The following CASK variants were observed in gnomAD, a reference collection of about 807,000 sequenced individuals.
CASK encodes peripheral plasma membrane protein CASK.
Under a neutral mutation model 82.9 loss-of-function variants are expected in CASK, and 4 were observed. The observed-to-expected ratio is 0.05, with a 90% confidence interval of 0.02 to 0.11. The LOEUF is 0.11. Among genes scored for constraint, CASK ranks in the 10% least tolerant of loss-of-function variants. The pLI, the probability that CASK is intolerant of heterozygous loss-of-function variation, is 1.00. For missense variants in CASK, 358 were observed against 720.9 expected, an observed-to-expected ratio of 0.50 and a Z score of 5.76; for synonymous variants, 259 against 253.5, an observed-to-expected ratio of 1.02 and a Z score of -0.20.
chrX:41,699,267 GAATA>G (rs1302549343), intron 5 of CASK, among the ~76,000 whole-genome samples: 1 of 111,567 alleles, frequency 9.0e-6, no homozygotes, highest in Non-Finnish European at 1.9e-5. Context: ...ATAATTAACT[GAATA>G]AAGAATAAGT....
intron 21 of CASK, among the ~76,000 whole-genome samples, chrX:41,548,537 TG>T (rs746199986): frequency 8.1e-4 from 91 of 111,916 alleles, no homozygotes; most frequent in African/African-American, 2.8e-3. Flanking sequence ...TATTTTTGGT[TG>T]GGGGAAAGAC....
chrX:41,879,724 G>A (rs2148023541), intron 1 of CASK, among the ~76,000 whole-genome samples: 1 of 112,086 alleles, frequency 8.9e-6, no homozygotes, highest in South Asian at 3.6e-4. Context: ...CAGACCTCCT[G>A]AAACCCAAAC....
At chrX:41,690,798 C>T (rs1276538745) in intron 5 of CASK, among the ~76,000 whole-genome samples, 1 of 107,774 alleles carries the variant, frequency 9.3e-6, no homozygotes, top group Non-Finnish European at 1.9e-5. Flanking sequence ...CTTAGCCTCT[C>T]GAGTAGCTGG....
At chrX:41,739,261 ATT>A in intron 5 of CASK, 121 bp downstream of exon 5, 1 of 509,258 alleles carries the variant, frequency 2.0e-6, no homozygotes, top group Non-Finnish European at 3.4e-6. Context: ...AGTTAAATAC[ATT>A]TTTACTTAGA....
At chrX:41,761,446 T>C (rs555330057) in intron 3 of CASK, among the ~76,000 whole-genome samples, 8 of 111,934 alleles carry the variant, frequency 7.1e-5, no homozygotes, top group African/African-American at 2.3e-4. Context: ...AAAATAATCA[T>C]ATGGTTAATT....
At chrX:41,686,008 G>C (rs1409379238) in intron 5 of CASK, among the ~76,000 whole-genome samples, 1 of 112,018 alleles carries the variant, frequency 8.9e-6, no homozygotes, top group African/African-American at 3.2e-5. Flanking sequence ...TCAAACCTTA[G>C]CATCAGAATC....
intron 2 of CASK, among the ~76,000 whole-genome samples, chrX:41,836,578 TTAA>T (rs1339374570): frequency 9.0e-6 from 1 of 111,677 alleles, no homozygotes; most frequent in Non-Finnish European, 1.9e-5. Flanking sequence ...ACATAATTCA[TTAA>T]TGTTTCAAAG....
At chrX:41,555,497 G>A in intron 20 of CASK, 103 bp downstream of exon 20, 4 of 626,642 alleles carry the variant, frequency 6.4e-6, no homozygotes, top group Non-Finnish European at 1.1e-5. Context: ...ATGCTCAAAT[G>A]TTATGGTCCA....
At chrX:41,649,410 C>T (rs1270221221) in intron 8 of CASK, among the ~76,000 whole-genome samples, 2 of 112,032 alleles carry the variant, frequency 1.8e-5, no homozygotes, top group Non-Finnish European at 3.8e-5. Flanking sequence ...AAATTTCCCA[C>T]TACACCCTGC....
intron 5 of CASK, among the ~76,000 whole-genome samples, chrX:41,681,899 T>C (rs5963267): frequency 0.021 from 2,277 of 107,686 alleles, 70 homozygotes; most frequent in African/African-American, 0.073. Context: ...TGAGCCGAGA[T>C]TGCACCACTG....
intron 12 of CASK, among the ~76,000 whole-genome samples, chrX:41,596,228 A>G (rs2065820083): frequency 9.1e-6 from 1 of 110,272 alleles, no homozygotes; most frequent in South Asian, 3.9e-4. Context: ...CAGGATCCTA[A>G]TCCTATCCTG....
chrX:41,736,939 G>A (rs2068509200), intron 5 of CASK, among the ~76,000 whole-genome samples: 1 of 111,824 alleles, frequency 8.9e-6, no homozygotes, highest in Non-Finnish European at 1.9e-5. Flanking sequence ...TTCTAAAGGT[G>A]GCCACGAACA....
At chrX:41,849,222 T>G (rs1296199669) in intron 2 of CASK, among the ~76,000 whole-genome samples, 1 of 112,053 alleles carries the variant, frequency 8.9e-6, no homozygotes, top group Non-Finnish European at 1.9e-5. Context: ...TATCAAGAAC[T>G]CAGAACTTTG....
At chrX:41,668,828 C>T (rs2067153495) in intron 6 of CASK, among the ~76,000 whole-genome samples, 1 of 109,963 alleles carries the variant, frequency 9.1e-6, no homozygotes, top group African/African-American at 3.3e-5. Context: ...GCAGCCTCTG[C>T]CTCCCGGGTT....
chrX:41,534,631 A>G, intron 24 of CASK, 75 bp downstream of exon 24: 1 of 844,286 alleles, frequency 1.2e-6, no homozygotes, highest in African/African-American at 2.0e-5. Flanking sequence ...ATGTAATCAG[A>G]AAAAAATACA....
At chrX:41,879,852 G>C (rs2071913500) in intron 1 of CASK, among the ~76,000 whole-genome samples, 1 of 111,775 alleles carries the variant, frequency 8.9e-6, no homozygotes, top group Admixed American at 9.5e-5. Context: ...CACATTTTTT[G>C]AACAGGTAAA....
intron 14 of CASK, among the ~76,000 whole-genome samples, chrX:41,579,568 G>C (rs747577595): frequency 6.6e-4 from 74 of 111,498 alleles, no homozygotes; most frequent in African/African-American, 2.1e-3. Context: ...ATAAATATTT[G>C]AACATTTCTA....
intron 1 of CASK, among the ~76,000 whole-genome samples, chrX:41,874,866 T>A (rs2071781221): frequency 8.9e-6 from 1 of 112,713 alleles, no homozygotes; most frequent in African/African-American, 3.2e-5. Flanking sequence ...ATCAGTCCAG[T>A]TAGCAAAGGC....
At chrX:41,566,827 A>T (rs4827061) in intron 16 of CASK, among the ~76,000 whole-genome samples, 31,325 of 110,672 alleles carry the variant, frequency 0.28, 3,788 homozygotes, top group East Asian at 0.85. Flanking sequence ...ACACTACCTG[A>T]CTTCAAACTA....
Sources: allele counts gnomAD v4.1 joint callset (sites outside exome capture counted in the v4.1 genomes callset), GRCh38; gene constraint gnomAD v4.1.1; transcripts MANE v1.5; gene names NCBI Gene and HGNC (gene_info 2026-07-23, HGNC 2026-07-21).